The following TANC1 variants were observed in gnomAD, a reference collection of about 807,000 sequenced individuals.
TANC1 encodes tetratricopeptide repeat, ankyrin repeat and coiled-coil containing 1.
TANC1 carries 77 observed loss-of-function variants against 149.7 expected under a neutral mutation model. The ratio of observed to expected loss-of-function variants is 0.51; its 90% CI spans 0.43 to 0.62. The LOEUF (loss-of-function observed/expected upper bound fraction) is 0.62, where lower values mean the gene tolerates loss of function less well. Ranked by LOEUF, TANC1 falls within the 20% of genes least tolerant of loss-of-function variation. The pLI is 0.00. For synonymous variants in TANC1, 854 were observed against 925.0 expected, an observed-to-expected ratio of 0.92 and a Z score of 1.39; for missense variants, 1,985 against 2,321.8, an observed-to-expected ratio of 0.85 and a Z score of 2.98.
At chr2:159,076,513 G>A (rs554984818) in intron 3 of TANC1, among the ~76,000 whole-genome samples, 3 of 152,296 alleles carry the variant, frequency 2.0e-5, no homozygotes, top group East Asian at 1.9e-4. Flanking sequence ...CAGATGTGCT[G>A]GAAGCCTGAC....
At chr2:158,992,669 A>ATTTTTTTT (rs70994251) in intron 1 of TANC1, among the ~76,000 whole-genome samples, 2,907 of 110,840 alleles carry the variant, frequency 0.026, 1 homozygote, top group Non-Finnish European at 0.035. Flanking sequence ...TGCCCAGCTA[A>ATTTTTTTT]TTTTTTTTTT....
chr2:159,055,822 T>A (rs917748056), intron 2 of TANC1, among the ~76,000 whole-genome samples: 3 of 152,216 alleles, frequency 2.0e-5, no homozygotes, highest in Non-Finnish European at 4.4e-5. Context: ...GGACCATCCC[T>A]GGATGGTTCT....
At chr2:159,202,027 G>A (rs2058284067) in intron 19 of TANC1, among the ~76,000 whole-genome samples, 1 of 152,208 alleles carries the variant, frequency 6.6e-6, no homozygotes, top group African/African-American at 2.4e-5. Flanking sequence ...TTTTCTGCTA[G>A]GAGAGCCTTG....
At chr2:159,055,842 GAGTC>G (rs1483476809) in intron 2 of TANC1, among the ~76,000 whole-genome samples, 3 of 152,178 alleles carry the variant, frequency 2.0e-5, no homozygotes, top group Non-Finnish European at 4.4e-5. Context: ...TTGGGGCTGA[GAGTC>G]AGAGAAGGGA....
At chr2:159,209,052 C>G (rs1213500285) in intron 19 of TANC1, among the ~76,000 whole-genome samples, 1 of 152,238 alleles carries the variant, frequency 6.6e-6, no homozygotes, top group Non-Finnish European at 1.5e-5. Flanking sequence ...CGCAGTCTGT[C>G]GCTGACTGAA....
chr2:159,089,030 C>T (rs1439522327), intron 3 of TANC1, among the ~76,000 whole-genome samples: 1 of 152,128 alleles, frequency 6.6e-6, no homozygotes, highest in South Asian at 2.1e-4. Context: ...ATGCAATCAG[C>T]CAGGTTTTAC....
intron 16 of TANC1, among the ~76,000 whole-genome samples, chr2:159,191,540 G>C (rs997276698): frequency 6.6e-6 from 1 of 152,144 alleles, no homozygotes; most frequent in African/African-American, 2.4e-5. Context: ...TGGGTCCAAG[G>C]TGGCTGCAGT....
intron 1 of TANC1, among the ~76,000 whole-genome samples, chr2:158,989,827 T>G (rs1207770736): frequency 6.6e-6 from 1 of 151,974 alleles, no homozygotes; most frequent in Non-Finnish European, 1.5e-5. Context: ...GATTCTGGAG[T>G]AAAGTAGACT....
rs1190501447 is a variant in TANC1, at chr2:159,104,829, C to T, written c.259+6995C>T. On this transcript the variant is annotated intron_variant, in intron 4 of 26. Coordinates refer to ENST00000263635, the MANE Select transcript of TANC1 (RefSeq NM_033394.3). ...TCTCCCAACTTGGCCTCCCAAAGTG[C>T]TGGGATTACAGGCATGAGCCACTGC... Among the ~76,000 whole-genome samples, 6 of 114,820 alleles carry T rather than the reference C, an allele frequency of 5.2e-5. No individual in the cohort carries two copies. The Admixed American group carries it at 5.3e-4, about 10-fold the overall frequency. 75.3% of individuals were successfully genotyped at this position (114,820 alleles called of 152,430 possible).
At position 159,219,300 on chromosome 2, in the gene TANC1, G is replaced by A. The variant is rs767811874; in HGVS notation, c.3441G>A (p.Thr1147=). 14 of 1,614,130 alleles carry A rather than the reference G, an allele frequency of 8.7e-6. No individual in the cohort carries two copies. The highest frequency in any genetic ancestry group is 1.1e-5 in the South Asian group (1 of 91,074). Residue 1147 remains threonine (T), a synonymous_variant, in exon 21 of 27, where the codon ACG becomes ACA. Transcript: ENST00000263635. ...ACCTAAGTGACAAGCAAGGCCGGAC[G>A]CCCCTCATGGTGGCTGCTTGTGAAG... ...DVNLSDKQGR[T]PLMVAACEGH... is the part of the protein sequence containing the mutation.
In TANC1 at chr2:159,230,996, TAG is replaced by T. The variant is rs775965310; in HGVS notation, c.5573_5574del (p.Glu1858ValfsTer19). The T allele has an allele frequency of 1.2e-6, 2 of 1,611,720 alleles. No homozygotes were observed. The highest frequency in any genetic ancestry group is 1.1e-5 in the South Asian group (1 of 90,812). On this transcript the variant is annotated frameshift_variant, in exon 27 of 27. Transcript: ENST00000263635. LOFTEE classifies it high-confidence loss of function. This position sits in a 1 kb window ranked among gnomAD's most constrained non-coding sequence, Gnocchi z 4.4. ...GCAGCCAAACCAAAGCGATCATTTATAGAGTCAAATGTGTGAACCTTAAGAAA... is the reference window on the plus strand; with the variant it reads ...GCAGCCAAACCAAAGCGATCATTTATAGTCAAATGTGTGAACCTTAAGAAA...
intron 2 of TANC1, among the ~76,000 whole-genome samples, chr2:159,062,195 GC>G (rs1298779277): frequency 6.6e-6 from 1 of 152,140 alleles, no homozygotes; most frequent in Non-Finnish European, 1.5e-5. Flanking sequence ...CTGAGATTGT[GC>G]CACTGCATTC....
intron 4 of TANC1, among the ~76,000 whole-genome samples, chr2:159,114,553 A>C (rs2048048800): frequency 6.6e-6 from 1 of 152,206 alleles, no homozygotes; most frequent in Non-Finnish European, 1.5e-5. Context: ...CCAGAAAGGA[A>C]AAAATAAACC....
intron 4 of TANC1, among the ~76,000 whole-genome samples, chr2:159,109,550 T>G (rs2047520700): frequency 6.6e-6 from 1 of 152,326 alleles, no homozygotes; most frequent in African/African-American, 2.4e-5. Flanking sequence ...CGGTAGTTCT[T>G]CCTTATCTGT....
intron 16 of TANC1, among the ~76,000 whole-genome samples, chr2:159,188,810 T>A (rs1468640151): frequency 6.6e-6 from 1 of 152,260 alleles, no homozygotes; most frequent in Non-Finnish European, 1.5e-5. Context: ...CCTGTTTTCC[T>A]GTTTTCATTA....
At chr2:159,019,518 G>A (rs1476394952) in intron 2 of TANC1, among the ~76,000 whole-genome samples, 2 of 152,046 alleles carry the variant, frequency 1.3e-5, no homozygotes, top group Non-Finnish European at 2.9e-5. Context: ...CCTTTGCTCT[G>A]GAGGTTTCAG....
In TANC1 at chr2:159,172,279, T is replaced by C. The variant is rs762233041; in HGVS notation, c.1503+7T>C. 5 of 1,613,012 alleles carry C rather than the reference T, an allele frequency of 3.1e-6. No individual in the cohort carries two copies. The highest frequency in any genetic ancestry group is 4.2e-6 in the Non-Finnish European group (5 of 1,179,356). ...GAAATATCTTGCTTCTAAGGTAATC[T>C]TTCTTGTTTTATTGGAGCCTTCCAC... On this transcript the variant is annotated splice_region_variant and intron_variant, in intron 11 of 26. Transcript: ENST00000263635.
At chr2:159,184,387 C>A (rs2056780590) in intron 14 of TANC1, among the ~76,000 whole-genome samples, 3 of 152,118 alleles carry the variant, frequency 2.0e-5, no homozygotes, top group African/African-American at 7.2e-5. Context: ...GGAGTTGTCT[C>A]CTCAGAGAGG....
At chr2:159,194,182 G>T (rs2057680797) in intron 16 of TANC1, 75 bp from the exon 17 acceptor site, 7 of 1,184,324 alleles carry the variant, frequency 5.9e-6, no homozygotes, top group Non-Finnish European at 7.5e-6. Context: ...ACCGAAAATT[G>T]AGGATACTGC....
Sources: gnomAD v4.1 joint callset for allele counts (sites outside exome capture counted in the v4.1 genomes callset) on GRCh38, gnomAD v4.1.1 for gene constraint, Gnocchi (gnomAD v3.1) non-coding constraint, MANE v1.5 for transcripts, NCBI Gene and HGNC (gene_info 2026-07-23, HGNC 2026-07-21) for gene names.